The following SPAG16 variants were observed in gnomAD, a reference collection of about 807,000 sequenced individuals.
SPAG16 encodes the protein sperm-associated antigen 16 protein.
Under a neutral mutation model 80.4 loss-of-function variants are expected in SPAG16, and 86 were observed. The ratio of observed to expected loss-of-function variants is 1.07; its 90% CI spans 0.90 to 1.28. The LOEUF is 1.28. Ranked by LOEUF, SPAG16 falls within the 50% of genes most tolerant of loss-of-function variation. SPAG16 has a pLI of 0.00. For missense variants in SPAG16, 870 were observed against 765.3 expected (o/e 1.14, Z -1.61); for synonymous variants, 294 against 265.9 (o/e 1.11, Z -1.03).
At chr2:213,702,313 C>G (rs1029197831) in intron 10 of SPAG16, among the ~76,000 whole-genome samples, 1 of 152,242 alleles carries the variant, frequency 6.6e-6, no homozygotes, top group East Asian at 1.9e-4. Flanking sequence ...GCTGCGGCAA[C>G]CCGCTTGGGT....
At chr2:213,561,195 A>G (rs941264283) in intron 10 of SPAG16, among the ~76,000 whole-genome samples, 3 of 152,178 alleles carry the variant, frequency 2.0e-5, no homozygotes, top group Non-Finnish European at 4.4e-5. Flanking sequence ...AGTTTCCTCC[A>G]TCTTCCCAAA....
chr2:214,224,160 A>G (rs1352958806), intron 15 of SPAG16, among the ~76,000 whole-genome samples: 1 of 152,290 alleles, frequency 6.6e-6, no homozygotes, highest in South Asian at 2.1e-4. Context: ...AAAACCATTC[A>G]AACAATGTAA....
chr2:213,430,254 A>G (rs866219168), intron 9 of SPAG16, among the ~76,000 whole-genome samples: 1 of 152,244 alleles, frequency 6.6e-6, no homozygotes, highest in Non-Finnish European at 1.5e-5. Context: ...AGCATTTTGG[A>G]ACGTGAAGAC....
At chr2:213,312,574 A>T (rs1433060980) in intron 4 of SPAG16, among the ~76,000 whole-genome samples, 1 of 151,224 alleles carries the variant, frequency 6.6e-6, no homozygotes, top group Non-Finnish European at 1.5e-5. Flanking sequence ...CAGAGTTTAA[A>T]TTTTTTTTCT....
intron 9 of SPAG16, among the ~76,000 whole-genome samples, chr2:213,471,027 A>G (rs2073049119): frequency 6.6e-6 from 1 of 152,200 alleles, no homozygotes; most frequent in African/African-American, 2.4e-5. Flanking sequence ...AAAGTGCACA[A>G]CCAGGTGCAC....
intron 10 of SPAG16, among the ~76,000 whole-genome samples, chr2:213,602,984 T>C (rs1254161065): frequency 6.6e-6 from 1 of 152,224 alleles, no homozygotes; most frequent in African/African-American, 2.4e-5. Flanking sequence ...TTGGTGCTAG[T>C]TGGTTCAGCT....
At chr2:213,445,590 C>T (rs910725255) in intron 9 of SPAG16, among the ~76,000 whole-genome samples, 3 of 152,126 alleles carry the variant, frequency 2.0e-5, no homozygotes, top group South Asian at 2.1e-4. Flanking sequence ...AGCTTGAACC[C>T]GAGAGGTGGA....
At chr2:213,506,328 A>G (rs1345948277) in intron 10 of SPAG16, among the ~76,000 whole-genome samples, 1 of 152,174 alleles carries the variant, frequency 6.6e-6, no homozygotes, top group Non-Finnish European at 1.5e-5. Context: ...TGTGAGGGTA[A>G]ACAGGAATAT....
At chr2:213,670,029 G>A (rs1478228187) in intron 10 of SPAG16, among the ~76,000 whole-genome samples, 2 of 148,426 alleles carry the variant, frequency 1.3e-5, no homozygotes, top group Admixed American at 6.7e-5. Flanking sequence ...CAAGAGTTTC[G>A]CTCTGTCACG....
chr2:213,498,333 G>A (rs765926022), intron 10 of SPAG16, among the ~76,000 whole-genome samples: 12 of 151,956 alleles, frequency 7.9e-5, no homozygotes, highest in Non-Finnish European at 1.8e-4. Context: ...TTTTTTTTAT[G>A]ATGAATGGGT....
chr2:213,452,844 G>C (rs2071785689), intron 9 of SPAG16, among the ~76,000 whole-genome samples: 1 of 152,172 alleles, frequency 6.6e-6, no homozygotes, highest in Non-Finnish European at 1.5e-5. Flanking sequence ...ATGGGCTATT[G>C]TATCAGCTAG....
chr2:213,430,044 A>G (rs1340800546), intron 9 of SPAG16, among the ~76,000 whole-genome samples: 1 of 152,240 alleles, frequency 6.6e-6, no homozygotes, highest in East Asian at 1.9e-4. Flanking sequence ...ATTTTTAAAG[A>G]AGATCAATGA....
intron 10 of SPAG16, among the ~76,000 whole-genome samples, chr2:213,697,353 T>A (rs2065198934): frequency 6.6e-6 from 1 of 152,156 alleles, no homozygotes; most frequent in South Asian, 2.1e-4. Flanking sequence ...TCACTCATGG[T>A]CATGTATTTA....
chr2:213,795,547 T>C (rs1198390449), intron 10 of SPAG16, among the ~76,000 whole-genome samples: 2 of 152,232 alleles, frequency 1.3e-5, no homozygotes, highest in African/African-American at 2.4e-5. Context: ...TGTTCATTCT[T>C]GTTCATATTT....
chr2:214,143,946 C>T (rs1341691233), intron 14 of SPAG16, among the ~76,000 whole-genome samples: 1 of 151,930 alleles, frequency 6.6e-6, no homozygotes. Context: ...TCACATGAGG[C>T]CACAGGTTTG....
intron 15 of SPAG16, among the ~76,000 whole-genome samples, chr2:214,353,473 T>G (rs1479156627): frequency 6.6e-6 from 1 of 152,182 alleles, no homozygotes; most frequent in Non-Finnish European, 1.5e-5. Flanking sequence ...GTACCCAGAA[T>G]CAATCTGCAA....
At chr2:213,399,411 G>A (rs1328386592) in intron 9 of SPAG16, among the ~76,000 whole-genome samples, 1 of 151,938 alleles carries the variant, frequency 6.6e-6, no homozygotes, top group African/African-American at 2.4e-5. Flanking sequence ...AATAAGTATT[G>A]TATTTTCTGC....
intron 14 of SPAG16, among the ~76,000 whole-genome samples, chr2:214,128,489 A>G (rs1319912982): frequency 1.3e-5 from 2 of 151,806 alleles, no homozygotes; most frequent in South Asian, 2.1e-4. Flanking sequence ...CCCTTCTTAT[A>G]TTTACCCTCA....
At chr2:214,251,277 GA>G (rs57878279) in intron 15 of SPAG16, among the ~76,000 whole-genome samples, 73,106 of 146,126 alleles carry the variant, frequency 0.5, 17,898 homozygotes, top group East Asian at 0.65. Flanking sequence ...GTTGCAGAAA[GA>G]AAAAAAAAAA....
Sources: allele counts gnomAD v4.1 joint callset (sites outside exome capture counted in the v4.1 genomes callset), GRCh38; gene constraint gnomAD v4.1.1; transcripts MANE v1.5; gene names NCBI Gene and HGNC (gene_info 2026-07-23, HGNC 2026-07-21).